Variants in CNTN3 observed in about 807,000 individuals in gnomAD.
The protein encoded by CNTN3 is contactin 3, also known as contactin-3.
CNTN3 carries 60 observed loss-of-function variants against 119.1 expected under a neutral mutation model. The observed-to-expected ratio is 0.50, with a 90% confidence interval of 0.41 to 0.62. The LOEUF is 0.62. CNTN3 is among the 20% of genes least tolerant of loss of function. CNTN3 has a pLI of 0.00. For missense variants in CNTN3, 1,101 were observed against 1,242.4 expected (o/e 0.89, Z 1.71); for synonymous variants, 450 against 438.7 (o/e 1.03, Z -0.32).
chr3:74,588,922 G>T (rs1293553641), intron 1 of CNTN3, among the ~76,000 whole-genome samples: 1 of 152,100 alleles, frequency 6.6e-6, no homozygotes, highest in Non-Finnish European at 1.5e-5. Context: ...GCTGAAACTG[G>T]ATCCCTTCCT....
At chr3:74,571,812 T>C (rs1015050918) in intron 1 of CNTN3, among the ~76,000 whole-genome samples, 4 of 152,120 alleles carry the variant, frequency 2.6e-5, no homozygotes, top group Non-Finnish European at 5.9e-5. Context: ...CAGTTATGAA[T>C]ACTTTATTAA....
chr3:74,582,814 T>TGTGTGTGA (rs1238186881), intron 1 of CNTN3, among the ~76,000 whole-genome samples: 1 of 149,220 alleles, frequency 6.7e-6, no homozygotes, highest in African/African-American at 2.5e-5. Flanking sequence ...TGTGTGTGTG[T>TGTGTGTGA]GACCCTACGA....
chr3:74,291,838 G>A (rs1421364435), intron 19 of CNTN3, among the ~76,000 whole-genome samples: 1 of 152,130 alleles, frequency 6.6e-6, no homozygotes, highest in East Asian at 1.9e-4. Flanking sequence ...AATTCTAGCA[G>A]CTGGGGGCCA....
At chr3:74,339,015 C>A (rs2106719473) in intron 11 of CNTN3, among the ~76,000 whole-genome samples, 1 of 152,206 alleles carries the variant, frequency 6.6e-6, no homozygotes, top group East Asian at 1.9e-4. Context: ...TTAAAAAAAT[C>A]TCTTTATACC....
intron 4 of CNTN3, among the ~76,000 whole-genome samples, chr3:74,437,725 C>T (rs1379216113): frequency 6.6e-5 from 10 of 151,786 alleles, no homozygotes; most frequent in Non-Finnish European, 1.5e-4. Context: ...ATATATATAG[C>T]CCTAGAATTT....
chr3:74,444,796 G>A (rs1280581399), intron 4 of CNTN3, among the ~76,000 whole-genome samples: 1 of 151,824 alleles, frequency 6.6e-6, no homozygotes, highest in African/African-American at 2.4e-5. Flanking sequence ...GCTGAATATG[G>A]GCTTTCTTCA....
intron 4 of CNTN3, among the ~76,000 whole-genome samples, chr3:74,432,491 G>A (rs1701801164): frequency 6.6e-6 from 1 of 152,108 alleles, no homozygotes; most frequent in Non-Finnish European, 1.5e-5. Flanking sequence ...GGTTGGACAA[G>A]CTTGCTATAA....
chr3:74,418,188 T>C (rs538560167), intron 5 of CNTN3, among the ~76,000 whole-genome samples: 17 of 152,112 alleles, frequency 1.1e-4, no homozygotes, highest in Non-Finnish European at 2.5e-4. Context: ...AAGCATATTC[T>C]TAATTCTGTT....
intron 19 of CNTN3, among the ~76,000 whole-genome samples, chr3:74,290,752 C>G (rs1432289519): frequency 1.3e-5 from 2 of 151,924 alleles, no homozygotes; most frequent in African/African-American, 4.8e-5. Flanking sequence ...AGTGCAGTGG[C>G]GTGATCTCGG....
chr3:74,524,768 C>T (rs1038940020), intron 1 of CNTN3, among the ~76,000 whole-genome samples: 5 of 151,812 alleles, frequency 3.3e-5, no homozygotes, highest in Non-Finnish European at 7.4e-5. Context: ...TCTGCTCTAG[C>T]CCATGTCACT....
chr3:74,312,409 T>C (rs140324522), intron 13 of CNTN3, among the ~76,000 whole-genome samples: 1,753 of 136,246 alleles, frequency 0.013, 29 homozygotes, highest in African/African-American at 0.049. Context: ...TGAGCTGAGA[T>C]TGCACCACTG....
rs1412415800 is a variant in CNTN3 at position 74,365,794 on chromosome 3, G to C, written c.947-92C>G. The C allele has an allele frequency of 2.2e-6, 3 of 1,382,820 alleles. No homozygotes were observed. In the East Asian group the frequency reaches 7.1e-5, roughly 33 times the overall value. 85.7% of individuals were successfully genotyped at this position (1,382,820 alleles called of 1,614,324 possible). ...TTTTATTATCTTACCTGGATTAATA[G>C]AAATGGACATGATAATGAGTAACAG... On this transcript the variant is annotated intron_variant, in intron 8 of 22. Transcript: ENST00000263665.
chr3:74,306,512 G>C (rs1485279787), intron 13 of CNTN3, among the ~76,000 whole-genome samples: 2 of 152,046 alleles, frequency 1.3e-5, no homozygotes, highest in Non-Finnish European at 2.9e-5. Flanking sequence ...CCTCAAGCAG[G>C]AAGGGACCAG....
intron 4 of CNTN3, among the ~76,000 whole-genome samples, chr3:74,464,273 A>C (rs1559616635): frequency 6.6e-6 from 1 of 151,940 alleles, no homozygotes; most frequent in Non-Finnish European, 1.5e-5. Context: ...ATACATATGC[A>C]AAAAATCATA....
At chr3:74,458,162 C>G (rs1232604827) in intron 4 of CNTN3, among the ~76,000 whole-genome samples, 1 of 151,916 alleles carries the variant, frequency 6.6e-6, no homozygotes, top group African/African-American at 2.4e-5. Context: ...TTGATGAGGT[C>G]TAGGAAGAGG....
At chr3:74,355,492 T>C (rs1326361281) in intron 11 of CNTN3, among the ~76,000 whole-genome samples, 2 of 152,020 alleles carry the variant, frequency 1.3e-5, no homozygotes, top group African/African-American at 2.4e-5. Flanking sequence ...TCTCACTCTG[T>C]TGCCCAGGCT....
At chr3:74,560,662 T>C (rs1236809407) in intron 1 of CNTN3, among the ~76,000 whole-genome samples, 2 of 152,080 alleles carry the variant, frequency 1.3e-5, no homozygotes, top group Non-Finnish European at 2.9e-5. Context: ...GACCCAGCCA[T>C]CCCATTACTG....
chr3:74,416,228 A>G (rs898668142), intron 5 of CNTN3, among the ~76,000 whole-genome samples: 3 of 152,202 alleles, frequency 2.0e-5, no homozygotes, highest in Admixed American at 6.5e-5. Flanking sequence ...TTTTATTTAG[A>G]TATTTTAAAT....
At chr3:74,555,404 G>C (rs1041953791) in intron 1 of CNTN3, among the ~76,000 whole-genome samples, 7 of 152,150 alleles carry the variant, frequency 4.6e-5, no homozygotes, top group Non-Finnish European at 8.8e-5. Context: ...TCAGGCTTTG[G>C]TATCAGGATG....
Sources: gnomAD v4.1 joint callset for allele counts (sites outside exome capture counted in the v4.1 genomes callset) on GRCh38, gnomAD v4.1.1 for gene constraint, MANE v1.5 for transcripts, NCBI Gene and HGNC (gene_info 2026-07-23, HGNC 2026-07-21) for gene names.